The following BTC variants were observed in gnomAD, a reference collection of about 807,000 sequenced individuals.
BTC encodes the protein betacellulin.
A neutral mutation model predicts 18.1 loss-of-function variants in BTC; 13 were observed. The observed-to-expected ratio is 0.72, with a 90% CI of 0.47 to 1.14. The LOEUF is 1.14. Ranked by LOEUF, BTC falls within the 50% of genes most tolerant of loss-of-function variation. BTC has a pLI of 0.00. For synonymous variants in BTC, 83 were observed against 79.4 expected (o/e 1.05, Z -0.24); for missense variants, 247 against 224.2 (o/e 1.10, Z -0.65).
intron 2 of BTC, among the ~76,000 whole-genome samples, chr4:74,760,281 T>C (rs1553957157): frequency 6.6e-6 from 1 of 152,182 alleles, no homozygotes; most frequent in African/African-American, 2.4e-5. Context: ...GGCTAAACTT[T>C]GAAATAGACG....
intron 2 of BTC, among the ~76,000 whole-genome samples, chr4:74,757,730 A>C (rs1485898788): frequency 1.3e-5 from 2 of 152,248 alleles, no homozygotes; most frequent in Non-Finnish European, 2.9e-5. Context: ...GTTTTAGTAC[A>C]CTGGAAACAG....
At chr4:74,791,789 T>A (rs1725635826) in intron 1 of BTC, among the ~76,000 whole-genome samples, 1 of 152,196 alleles carries the variant, frequency 6.6e-6, no homozygotes, top group Non-Finnish European at 1.5e-5. Flanking sequence ...TTGTTTACTT[T>A]TTGAAAAGAA....
At chr4:74,765,717 G>C (rs975506875) in intron 2 of BTC, among the ~76,000 whole-genome samples, 4 of 152,036 alleles carry the variant, frequency 2.6e-5, no homozygotes, top group African/African-American at 9.7e-5. Flanking sequence ...AAGATAAACA[G>C]ACAATTTTGA....
intron 1 of BTC, among the ~76,000 whole-genome samples, chr4:74,773,191 G>C (rs1238061513): frequency 1.3e-5 from 2 of 152,196 alleles, no homozygotes; most frequent in African/African-American, 4.8e-5. Context: ...AATCAAAGCA[G>C]TTCATATTAA....
At chr4:74,777,963 G>C (rs1266670420) in intron 1 of BTC, among the ~76,000 whole-genome samples, 1 of 151,790 alleles carries the variant, frequency 6.6e-6, no homozygotes, top group Non-Finnish European at 1.5e-5. Context: ...GAAGAAAACA[G>C]AATCTTAAAT....
At chr4:74,748,638 G>GA (rs1365479934) in intron 4 of BTC, among the ~76,000 whole-genome samples, 4 of 152,096 alleles carry the variant, frequency 2.6e-5, no homozygotes, top group Admixed American at 6.5e-5. Flanking sequence ...TATCTAAATA[G>GA]AAAAAATGTC....
At chr4:74,772,855 G>A (rs542321729) in intron 1 of BTC, among the ~76,000 whole-genome samples, 1 of 152,322 alleles carries the variant, frequency 6.6e-6, no homozygotes, top group Non-Finnish European at 1.5e-5. Flanking sequence ...CTCCAATTCT[G>A]CTCACAGAGG....
chr4:74,767,900 A>T (rs191135541), intron 2 of BTC, among the ~76,000 whole-genome samples: 1 of 152,282 alleles, frequency 6.6e-6, no homozygotes, highest in African/African-American at 2.4e-5. Context: ...CTGAAGACTT[A>T]TATTTAAGAC....
chr4:74,748,720 A>G (rs11097316), intron 4 of BTC, among the ~76,000 whole-genome samples: 89,343 of 152,054 alleles, frequency 0.59, 27,005 homozygotes, highest in Non-Finnish European at 0.68. Context: ...ATAGACTAAT[A>G]AGTATTATGT....
intron 1 of BTC, among the ~76,000 whole-genome samples, chr4:74,792,322 G>A (rs774277250): frequency 2.0e-5 from 3 of 152,132 alleles, no homozygotes; most frequent in Non-Finnish European, 4.4e-5. Flanking sequence ...TCTGTCTTTT[G>A]ACAAGTTTTG....
chr4:74,787,621 G>C (rs1297951294), intron 1 of BTC, among the ~76,000 whole-genome samples: 3 of 152,152 alleles, frequency 2.0e-5, no homozygotes, highest in African/African-American at 7.2e-5. Flanking sequence ...TGCAGATCCA[G>C]TATCAGCTGG....
At chr4:74,782,677 C>G (rs1408743536) in intron 1 of BTC, among the ~76,000 whole-genome samples, 1 of 152,168 alleles carries the variant, frequency 6.6e-6, no homozygotes, top group African/African-American at 2.4e-5. Flanking sequence ...GATAGCCACA[C>G]TGTCTTCCAC....
At chr4:74,790,018 C>T (rs1019681455) in intron 1 of BTC, among the ~76,000 whole-genome samples, 1 of 107,692 alleles carries the variant, frequency 9.3e-6, no homozygotes, top group African/African-American at 6.2e-5. Context: ...TTTACTTTTG[C>T]AGCTTTATTT....
intron 4 of BTC, among the ~76,000 whole-genome samples, chr4:74,749,277 A>C (rs1427675806): frequency 6.6e-6 from 1 of 152,028 alleles, no homozygotes; most frequent in Non-Finnish European, 1.5e-5. Context: ...AACTACAAAA[A>C]TTAGTTGGGT....
intron 3 of BTC, among the ~76,000 whole-genome samples, chr4:74,754,871 C>T (rs1724554597): frequency 6.6e-6 from 1 of 151,478 alleles, no homozygotes; most frequent in South Asian, 2.1e-4. Flanking sequence ...TTTTAAAATT[C>T]AATATGTGCT....
chr4:74,752,319 A>G (rs1259288698), intron 3 of BTC, among the ~76,000 whole-genome samples: 2 of 152,084 alleles, frequency 1.3e-5, no homozygotes, highest in African/African-American at 4.8e-5. Flanking sequence ...GAGCTTAGAA[A>G]TATCTTGAGA....
intron 2 of BTC, among the ~76,000 whole-genome samples, chr4:74,756,484 C>T (rs939546293): frequency 5.9e-5 from 9 of 152,232 alleles, no homozygotes; most frequent in Admixed American, 1.3e-4. Context: ...CTCCAATTTA[C>T]GGATGCACAA....
intron 2 of BTC, among the ~76,000 whole-genome samples, chr4:74,761,957 T>C (rs1381880463): frequency 6.6e-6 from 1 of 152,246 alleles, no homozygotes; most frequent in African/African-American, 2.4e-5. Flanking sequence ...TCTCTTTCTC[T>C]GTTACCTTTC....
intron 2 of BTC, among the ~76,000 whole-genome samples, chr4:74,768,531 CT>C (rs1277702290): frequency 6.6e-6 from 1 of 152,106 alleles, no homozygotes; most frequent in Non-Finnish European, 1.5e-5. Context: ...ATGAATGCCT[CT>C]ACTTATATGA....
Sources: allele counts gnomAD v4.1 joint callset (sites outside exome capture counted in the v4.1 genomes callset), GRCh38; gene constraint gnomAD v4.1.1; transcripts MANE v1.5; gene names NCBI Gene and HGNC (gene_info 2026-07-23, HGNC 2026-07-21).